Variants in SLC25A48 observed in about 807,000 individuals in gnomAD.
SLC25A48 encodes the protein CTC-321K16.1.
A neutral mutation model predicts 32.2 loss-of-function variants in SLC25A48; 29 were observed. That is an observed-to-expected ratio of 0.90 (90% CI 0.67 to 1.23). The LOEUF (loss-of-function observed/expected upper bound fraction) is 1.23, where lower values mean the gene tolerates loss of function less well. Ranked by LOEUF, SLC25A48 falls within the 50% of genes most tolerant of loss-of-function variation. The pLI is 0.00. For synonymous variants in SLC25A48, 164 were observed against 172.3 expected (o/e 0.95, Z 0.38); for missense variants, 399 against 422.7 (o/e 0.94, Z 0.49).
rs147250403 is a variant in SLC25A48, at chr5:135,713,169, C to T, written c.-521+78213C>T. On this transcript the variant is annotated intron_variant, in intron 3 of 10. Transcript: ENST00000646290. ...GAAATGCAGAATCTCAGGCCCAGCCCAGACCTTCTGAATTGCAACCTGCAT... is the reference window on the plus strand; with the variant it reads ...GAAATGCAGAATCTCAGGCCCAGCCTAGACCTTCTGAATTGCAACCTGCAT... Among the ~76,000 whole-genome samples the T allele has an allele frequency of 2.8e-3, 421 of 152,318 alleles. 2 individuals are homozygous for T. Among genetic ancestry groups the T allele is most frequent in the South Asian group, 4.2e-3 (20 of 4,818 alleles).
chr5:135,681,059 C>T (rs1043915273), intron 3 of SLC25A48, among the ~76,000 whole-genome samples: 11 of 152,110 alleles, frequency 7.2e-5, no homozygotes, highest in African/African-American at 2.7e-4. Context: ...GATCTTGGCT[C>T]ACCGCAACCT....
intron 1 of SLC25A48, among the ~76,000 whole-genome samples, chr5:135,598,130 T>C (rs1021200136): frequency 2.6e-5 from 4 of 152,156 alleles, no homozygotes; most frequent in Non-Finnish European, 5.9e-5. Flanking sequence ...TGTTACCCAC[T>C]AGGATGACTG....
At chr5:135,693,166 A>G (rs556392692) in intron 3 of SLC25A48, among the ~76,000 whole-genome samples, 1 of 152,316 alleles carries the variant, frequency 6.6e-6, no homozygotes, top group Admixed American at 6.5e-5. Context: ...AACTGTCTTC[A>G]TATTTATATT....
At chr5:135,662,803 C>T (rs188756332) in intron 3 of SLC25A48, among the ~76,000 whole-genome samples, 33 of 152,300 alleles carry the variant, frequency 2.2e-4, no homozygotes, top group African/African-American at 7.0e-4. Flanking sequence ...CTCCTGCCTT[C>T]GAAGGGTCCT....
At chr5:135,716,182 C>T (rs970329444) in intron 3 of SLC25A48, among the ~76,000 whole-genome samples, 11 of 152,090 alleles carry the variant, frequency 7.2e-5, no homozygotes, top group African/African-American at 2.7e-4. Context: ...AGGCTGCTTC[C>T]TACAGGAAAA....
At chr5:135,849,133 G>A (rs1176599781) in intron 2 of SLC25A48, among the ~76,000 whole-genome samples, 2 of 152,172 alleles carry the variant, frequency 1.3e-5, no homozygotes, top group African/African-American at 4.8e-5. Flanking sequence ...GGAAAACATC[G>A]CCTGTGATCT....
At chr5:135,679,620 T>C (rs1753846621) in intron 3 of SLC25A48, among the ~76,000 whole-genome samples, 1 of 152,214 alleles carries the variant, frequency 6.6e-6, no homozygotes, top group African/African-American at 2.4e-5. Context: ...AAATGCACAG[T>C]GACTTTGCTG....
chr5:135,597,867 G>A (rs919456737), intron 1 of SLC25A48, among the ~76,000 whole-genome samples: 14 of 152,280 alleles, frequency 9.2e-5, no homozygotes, highest in African/African-American at 3.4e-4. Context: ...AGCCGGGCAT[G>A]GTGCTGCACG....
At chr5:135,841,645 A>T (rs1394873393) in intron 1 of SLC25A48, among the ~76,000 whole-genome samples, 1 of 151,702 alleles carries the variant, frequency 6.6e-6, no homozygotes, top group African/African-American at 2.4e-5. Context: ...AAGAAATGAC[A>T]GGACAAAGAA....
intron 3 of SLC25A48, among the ~76,000 whole-genome samples, chr5:135,774,009 T>C (rs1756483252): frequency 6.6e-6 from 1 of 151,640 alleles, no homozygotes; most frequent in African/African-American, 2.4e-5. Flanking sequence ...ATGATATTAC[T>C]CCCAATATCG....
In SLC25A48 at chr5:135,779,808, A is replaced by G. The variant is rs1194595999; in HGVS notation, c.-520-32715A>G. On this transcript the variant is annotated intron_variant, in intron 3 of 10. Transcript: ENST00000646290. The stretch of plus-strand genomic sequence containing the variant: ...TGGGGAGAGGATAATATTGATCTCA[A>G]TATCGCAAGGGGTGTACACCTTCCC... 1.7e-5 allele frequency among the ~76,000 whole-genome samples: 2 copies of G among 117,104 alleles called. 1 individual carries two copies. Among genetic ancestry groups the G allele is most frequent in the African/African-American group, 5.2e-5 (2 of 38,566 alleles). The allele number at this position is 117,104 out of a possible 152,430, so 76.8% of individuals were successfully genotyped here. A position where few individuals can be genotyped will look rare whatever the true frequency, so the allele number is the denominator to read the frequency against.
chr5:135,723,392 AC>A (rs1580814911), intron 3 of SLC25A48, among the ~76,000 whole-genome samples: 15 of 80,174 alleles, frequency 1.9e-4, no homozygotes, highest in Non-Finnish European at 2.6e-4. Context: ...ACACACACAC[AC>A]ACACACACAC....
chr5:135,685,478 G>T (rs1266979889), intron 3 of SLC25A48, among the ~76,000 whole-genome samples: 1 of 149,032 alleles, frequency 6.7e-6, no homozygotes, highest in African/African-American at 2.5e-5. Context: ...TGTTGCCCAG[G>T]CTGTAGTGCA....
At chr5:135,684,972 A>G (rs1037758868) in intron 3 of SLC25A48, among the ~76,000 whole-genome samples, 1 of 152,186 alleles carries the variant, frequency 6.6e-6, no homozygotes, top group African/African-American at 2.4e-5. Context: ...TTCATTTGGA[A>G]GCTATTATCC....
At chr5:135,677,564 G>T (rs1218810415) in intron 3 of SLC25A48, among the ~76,000 whole-genome samples, 1 of 152,004 alleles carries the variant, frequency 6.6e-6, no homozygotes, top group African/African-American at 2.4e-5. Context: ...TTCTGTGGTG[G>T]TACCATTTGA....
chr5:135,797,719 A>AC (rs369772375), intron 3 of SLC25A48, among the ~76,000 whole-genome samples: 126 of 149,732 alleles, frequency 8.4e-4, no homozygotes, highest in South Asian at 1.5e-3. Context: ...GAAAGTGTAA[A>AC]CCCCCCCCGT....
At chr5:135,861,512 G>C (rs1760796754) in intron 4 of SLC25A48, among the ~76,000 whole-genome samples, 1 of 152,196 alleles carries the variant, frequency 6.6e-6, no homozygotes, top group African/African-American at 2.4e-5. Context: ...CTTTATAGCT[G>C]GGATGCAATG....
chr5:135,644,917 A>G (rs567092727), intron 3 of SLC25A48, among the ~76,000 whole-genome samples: 1 of 152,264 alleles, frequency 6.6e-6, no homozygotes, highest in East Asian at 1.9e-4. Flanking sequence ...GCTTACCTAC[A>G]GTGGAAGGCA....
chr5:135,727,225 TATAG>T (rs1755111847), intron 3 of SLC25A48, among the ~76,000 whole-genome samples: 2 of 150,624 alleles, frequency 1.3e-5, no homozygotes, highest in Non-Finnish European at 3.0e-5. Flanking sequence ...GTAAAAATAA[TATAG>T]ATATATATGT....
Sources: allele counts gnomAD v4.1 joint callset (sites outside exome capture counted in the v4.1 genomes callset), GRCh38; gene constraint gnomAD v4.1.1; transcripts MANE v1.5; gene names NCBI Gene and HGNC (gene_info 2026-07-23, HGNC 2026-07-21).